Variants in FAM227B observed in about 807,000 individuals in gnomAD.
FAM227B encodes the protein family with sequence similarity 227 member B.
FAM227B carries 88 observed loss-of-function variants against 73.8 expected under a neutral mutation model. The observed-to-expected ratio is 1.19, with a 90% CI of 1.00 to 1.42. The LOEUF is 1.42. Among genes scored for constraint, FAM227B ranks in the 40% most tolerant of loss-of-function variants. The pLI is 0.00. For missense variants in FAM227B, 632 were observed against 590.9 expected, an observed-to-expected ratio of 1.07 and a Z score of -0.72; for synonymous variants, 210 against 190.5, an observed-to-expected ratio of 1.10 and a Z score of -0.84.
intron 11 of FAM227B, among the ~76,000 whole-genome samples, chr15:49,426,336 G>A (rs1274275326): frequency 1.3e-5 from 2 of 151,900 alleles, no homozygotes; most frequent in Non-Finnish European, 2.9e-5. Flanking sequence ...TGAGATGAAA[G>A]TAATAGGATA....
chr15:49,538,821 T>C (rs944614278), intron 10 of FAM227B, among the ~76,000 whole-genome samples: 1 of 152,096 alleles, frequency 6.6e-6, no homozygotes, highest in African/African-American at 2.4e-5. Context: ...TATTTCTTCA[T>C]TGACCTCATT....
intron 8 of FAM227B, among the ~76,000 whole-genome samples, chr15:49,571,229 A>G (rs1022637804): frequency 2.0e-5 from 3 of 151,778 alleles, no homozygotes; most frequent in African/African-American, 7.3e-5. Context: ...AATTGTTTAA[A>G]TTGCTTATAT....
intron 11 of FAM227B, among the ~76,000 whole-genome samples, chr15:49,422,120 T>TAGAGAG (rs3075167): frequency 0.01 from 1,349 of 134,524 alleles, 31 homozygotes; most frequent in African/African-American, 0.036. Context: ...GCATTTCACA[T>TAGAGAG]AGAGAGAGAG....
chr15:49,413,356 G>A (rs1468319492), intron 11 of FAM227B, among the ~76,000 whole-genome samples: 1 of 151,942 alleles, frequency 6.6e-6, no homozygotes, highest in African/African-American at 2.4e-5. Context: ...GACCTGACAT[G>A]CTCCTCCTTG....
rs866784539 is a variant in FAM227B at position 49,423,756 on chromosome 15, A to G, written c.1013-52357T>C. Among the ~76,000 whole-genome samples, 13 of 152,274 alleles carry G rather than the reference A, an allele frequency of 8.5e-5. No individual in the cohort carries two copies. The South Asian group carries it at 1.7e-3, about 19-fold the overall frequency. On this transcript the variant is annotated intron_variant, in intron 11 of 15. Coordinates refer to ENST00000299338, the MANE Select transcript of FAM227B (RefSeq NM_152647.3). ...AATTGTAAAAACTTAATTTAAATCA[A>G]TAGTTCTGAGTGCAGTATGGTTCTC...
intron 11 of FAM227B, among the ~76,000 whole-genome samples, chr15:49,406,971 G>A (rs1176254677): frequency 6.6e-6 from 1 of 152,028 alleles, no homozygotes; most frequent in Admixed American, 6.6e-5. Context: ...TGGCAAGGCT[G>A]GAGGCCCAGG....
chr15:49,499,548 T>G (rs2057965407), intron 11 of FAM227B, among the ~76,000 whole-genome samples: 1 of 152,198 alleles, frequency 6.6e-6, no homozygotes, highest in Non-Finnish European at 1.5e-5. Flanking sequence ...ACTAGCAGTT[T>G]TTCAAATTTA....
At chr15:49,581,772 G>A (rs950955400) in intron 5 of FAM227B, among the ~76,000 whole-genome samples, 2 of 152,166 alleles carry the variant, frequency 1.3e-5, no homozygotes, top group African/African-American at 4.8e-5. Context: ...AGGTCCTTCA[G>A]GGAGTGCTAA....
At chr15:49,366,538 C>T (rs1200377366) in intron 13 of FAM227B, 1 of 1,550,482 alleles carries the variant, frequency 6.4e-7, no homozygotes, top group Admixed American at 1.7e-5. Context: ...GAAGAGCTGA[C>T]CAATGGGGGT....
intron 11 of FAM227B, among the ~76,000 whole-genome samples, chr15:49,444,488 G>T (rs1597233416): frequency 6.6e-6 from 1 of 151,842 alleles, no homozygotes; most frequent in East Asian, 1.9e-4. Flanking sequence ...AAATAACATT[G>T]AAATTATCTG....
At position 49,345,909 on chromosome 15, in the gene FAM227B, G is replaced by C. The variant is rs1336089179; in HGVS notation, c.1272-10413C>G. On this transcript the variant is annotated intron_variant, in intron 13 of 15. Transcript: ENST00000299338. ...GTACCTTGCCTTTGAGAGATTGAGT[G>C]TGTGTGAGAGACTCAGGAAAAGAAT... Among the ~76,000 whole-genome samples the C allele has an allele frequency of 3.3e-5, 5 of 152,162 alleles. 1 individual carries two copies. In the South Asian group the frequency reaches 8.3e-4, roughly 25 times the overall value.
intron 13 of FAM227B, among the ~76,000 whole-genome samples, chr15:49,355,727 G>A (rs1054836026): frequency 1.7e-4 from 26 of 150,826 alleles, no homozygotes; most frequent in Non-Finnish European, 3.6e-4. Context: ...TCAGATTCAG[G>A]AAATACAGAG....
intron 13 of FAM227B, among the ~76,000 whole-genome samples, chr15:49,354,505 T>G (rs1452524429): frequency 1.3e-5 from 2 of 152,066 alleles, no homozygotes; most frequent in African/African-American, 2.4e-5. Flanking sequence ...TGGAAAATCG[T>G]GTCACTCCCA....
chr15:49,328,016 G>C lies in FAM227B; in HGVS notation c.*552C>G. ...ATGGGGAGGCTGCACAGTATCAATG[G>C]TACCTGCGGACAAGCTGCCCAGCTT... On this transcript the variant is annotated 3_prime_UTR_variant, in exon 16 of 16. Coordinates refer to ENST00000299338, the MANE Select transcript of FAM227B (RefSeq NM_152647.3). 6 of 1,613,942 alleles carry C rather than the reference G, an allele frequency of 3.7e-6. No homozygotes were observed. Among genetic ancestry groups the C allele is most frequent in the Non-Finnish European group, 5.1e-6 (6 of 1,179,848 alleles).
intron 10 of FAM227B, among the ~76,000 whole-genome samples, chr15:49,512,279 T>A (rs2059060413): frequency 6.6e-6 from 1 of 152,174 alleles, no homozygotes; most frequent in Admixed American, 6.6e-5. Flanking sequence ...AGAATTTTTA[T>A]AAATATTTTG....
chr15:49,565,986 T>G (rs989918698), intron 9 of FAM227B, among the ~76,000 whole-genome samples: 10 of 152,188 alleles, frequency 6.6e-5, no homozygotes, highest in African/African-American at 2.4e-4. Context: ...CTAAAGACAT[T>G]GGTCCTGCTG....
intron 11 of FAM227B, among the ~76,000 whole-genome samples, chr15:49,378,106 T>C (rs1050189360): frequency 6.6e-6 from 1 of 152,158 alleles, no homozygotes; most frequent in Non-Finnish European, 1.5e-5. Flanking sequence ...CATCACTTGT[T>C]GAAGAGACTG....
Position 49,552,219 on chromosome 15 carries a change from T to C in FAM227B, c.748-10413A>G, listed in dbSNP as rs187716386. On this transcript the variant is annotated intron_variant, in intron 9 of 15. Coordinates refer to ENST00000299338, the MANE Select transcript of FAM227B (RefSeq NM_152647.3). ...GCTTTTGTGTGGGAATATCTTTATCTTTCCTTCATGTTTGAAGGATATTTT... is the reference window on the plus strand; with the variant it reads ...GCTTTTGTGTGGGAATATCTTTATCCTTCCTTCATGTTTGAAGGATATTTT... Among the ~76,000 whole-genome samples, 359 of 152,346 alleles carry C rather than the reference T, an allele frequency of 2.4e-3. 2 individuals are homozygous for C. The highest frequency in any genetic ancestry group is 3.1e-3 in the Non-Finnish European group (213 of 68,018).
chr15:49,573,336 A>G (rs2075241878), intron 8 of FAM227B, among the ~76,000 whole-genome samples: 1 of 152,152 alleles, frequency 6.6e-6, no homozygotes, highest in Non-Finnish European at 1.5e-5. Context: ...TTCCTAGCTC[A>G]GAATGTAGTT....
Sources: allele counts gnomAD v4.1 joint callset (sites outside exome capture counted in the v4.1 genomes callset), GRCh38; gene constraint gnomAD v4.1.1; transcripts MANE v1.5; gene names NCBI Gene and HGNC (gene_info 2026-07-23, HGNC 2026-07-21).